The following PIK3R1 variants were observed in gnomAD, a reference collection of about 807,000 sequenced individuals.
The protein encoded by PIK3R1 is phosphatidylinositol 3-kinase regulatory subunit alpha.
In PIK3R1, 29 loss-of-function variants were observed where a neutral mutation model predicts 98.0. The ratio of observed to expected loss-of-function variants is 0.30; its 90% confidence interval spans 0.22 to 0.40. The LOEUF is 0.40. Ranked by LOEUF, PIK3R1 falls within the 10% of genes least tolerant of loss-of-function variation. The pLI, the probability that PIK3R1 is intolerant of heterozygous loss-of-function variation, is 1.00. For synonymous variants in PIK3R1, 282 were observed against 311.8 expected (o/e 0.90, Z 1.01); for missense variants, 596 against 872.7 (o/e 0.68, Z 3.99).
At chr5:68,239,891 A>G in intron 2 of PIK3R1, 2 of 504,742 alleles carry the variant, frequency 4.0e-6, no homozygotes, top group East Asian at 4.5e-5. Flanking sequence ...GTGAGTTACT[A>G]TTCCTTACAG....
intron 2 of PIK3R1, among the ~76,000 whole-genome samples, chr5:68,263,203 C>CTA (rs556245789): frequency 7.9e-6 from 1 of 125,890 alleles, no homozygotes; most frequent in East Asian, 2.2e-4. Flanking sequence ...ACATATATAT[C>CTA]TATATATATA....
At chr5:68,267,065 C>G (rs1399324665) in intron 2 of PIK3R1, among the ~76,000 whole-genome samples, 1 of 152,146 alleles carries the variant, frequency 6.6e-6, no homozygotes, top group African/African-American at 2.4e-5. Flanking sequence ...CCTGTGGACT[C>G]AGGTATAAAT....
At chr5:68,262,949 A>G (rs62652526) in intron 2 of PIK3R1, among the ~76,000 whole-genome samples, 1 of 7,068 alleles carries the variant, frequency 1.4e-4, no homozygotes, top group Non-Finnish European at 2.6e-4. Context: ...ACATGTAGAT[A>G]CATGTAGATA....
chr5:68,272,046 T>C lies in PIK3R1; in HGVS notation c.335-1344T>C, dbSNP rs553467806. On this transcript the variant is annotated intron_variant, in intron 2 of 15. Transcript: ENST00000521381. The stretch of plus-strand genomic sequence containing the variant: ...TGGGTGGATTGCTTGAGTCCATGAG[T>C]TCGAGACCAGCCTGGGCAATATGGC... 3.3e-5 allele frequency among the ~76,000 whole-genome samples: 5 copies of C among 151,958 alleles called. No homozygotes were observed. The East Asian group carries it at 7.7e-4, about 24-fold the overall frequency.
chr5:68,222,051 T>G (rs1744110753), intron 1 of PIK3R1, among the ~76,000 whole-genome samples: 1 of 152,236 alleles, frequency 6.6e-6, no homozygotes, highest in Non-Finnish European at 1.5e-5. Flanking sequence ...CTTGGTTATT[T>G]GAAAATATTA....
intron 2 of PIK3R1, chr5:68,239,810 T>C: frequency 4.0e-6 from 2 of 494,882 alleles, no homozygotes; most frequent in South Asian, 3.2e-5. Context: ...TATGACAAAG[T>C]GAGTTAAACA....
chr5:68,231,554 A>T (rs1441717446), intron 2 of PIK3R1, among the ~76,000 whole-genome samples: 1 of 152,212 alleles, frequency 6.6e-6, no homozygotes, highest in Non-Finnish European at 1.5e-5. Context: ...CCTGTCCAGA[A>T]AGCAGGGCTG....
intron 7 of PIK3R1, among the ~76,000 whole-genome samples, chr5:68,284,829 C>G (rs954776191): frequency 6.6e-6 from 1 of 151,438 alleles, no homozygotes; most frequent in African/African-American, 2.4e-5. Context: ...ATCAACACAT[C>G]TAATACATCC....
At chr5:68,271,648 A>G (rs910472142) in intron 2 of PIK3R1, among the ~76,000 whole-genome samples, 3 of 152,188 alleles carry the variant, frequency 2.0e-5, no homozygotes, top group African/African-American at 7.2e-5. Flanking sequence ...GTGGCTAGTC[A>G]TTGCTTTATC....
chr5:68,217,574 C>A (rs1014758778), intron 1 of PIK3R1: 41 of 151,712 alleles, frequency 2.7e-4, no homozygotes, highest in African/African-American at 8.5e-4. Context: ...GTTGATTAAA[C>A]TTTAGGAAGC....
chr5:68,276,308 G>A lies in PIK3R1; in HGVS notation c.502+2295G>A, dbSNP rs574881199. ...CATCCCTAACCTCTACCCATGAGGT[G>A]CCAGCAGCATTCTCCCCCAGTTGTG... On this transcript the variant is annotated intron_variant, in intron 4 of 15. Transcript: ENST00000521381. 5.1e-4 allele frequency among the ~76,000 whole-genome samples: 77 copies of A among 152,336 alleles called. 2 individuals are homozygous for A. The highest frequency in any genetic ancestry group is 1.8e-3 in the African/African-American group (74 of 41,572).
intron 4 of PIK3R1, among the ~76,000 whole-genome samples, chr5:68,277,559 G>T (rs551797106): frequency 2.0e-5 from 3 of 152,230 alleles, no homozygotes; most frequent in Non-Finnish European, 2.9e-5. Flanking sequence ...AGTGGGGCAA[G>T]TTTGGTTTAT....
In PIK3R1 at chr5:68,300,124, A is replaced by G; in HGVS notation, c.*2523A>G. ...CAGTTTTGTGAATCTTTGTGCTTCA[A>G]CATTCTTTGCAAGATGATACGGTAT... On this transcript the variant is annotated 3_prime_UTR_variant, in exon 16 of 16. Transcript: ENST00000521381. The G allele has an allele frequency of 4.3e-6, 1 of 233,256 alleles. No homozygotes were observed. 14.4% of individuals were successfully genotyped at this position (233,256 alleles called of 1,614,324 possible). A position where few individuals can be genotyped will look rare whatever the true frequency, so the allele number is the denominator to read the frequency against.
At chr5:68,218,622 C>T (rs1012993059) in intron 1 of PIK3R1, among the ~76,000 whole-genome samples, 25 of 152,202 alleles carry the variant, frequency 1.6e-4, no homozygotes, top group African/African-American at 4.6e-4. Context: ...GATTTTTATG[C>T]TCAAGTAGAA....
At chr5:68,290,089 T>C (rs985140546) in intron 7 of PIK3R1, among the ~76,000 whole-genome samples, 3 of 152,238 alleles carry the variant, frequency 2.0e-5, no homozygotes, top group African/African-American at 7.2e-5. Context: ...GAGGAGGACA[T>C]CTATACATTT....
chr5:68,238,713 TATA>T (rs1292811550), intron 2 of PIK3R1, among the ~76,000 whole-genome samples: 2 of 151,698 alleles, frequency 1.3e-5, no homozygotes. Flanking sequence ...GGAGAAGATA[TATA>T]GAGAGAATAT....
chr5:68,289,909 GA>G (rs143890259), intron 7 of PIK3R1, among the ~76,000 whole-genome samples: 2,050 of 152,024 alleles, frequency 0.013, 18 homozygotes, highest in East Asian at 0.036. Flanking sequence ...TTTCTTTTTG[GA>G]AGAAGCATTT....
At chr5:68,258,864 C>A (rs969478760) in intron 2 of PIK3R1, among the ~76,000 whole-genome samples, 1 of 152,170 alleles carries the variant, frequency 6.6e-6, no homozygotes, top group Non-Finnish European at 1.5e-5. Flanking sequence ...CTATCAGTGC[C>A]CCCAGCTCAA....
At position 68,277,343 on chromosome 5, in the gene PIK3R1, G is replaced by A. The variant is rs531900855; in HGVS notation, c.503-2259G>A. Among the ~76,000 whole-genome samples the A allele has an allele frequency of 2.2e-3, 339 of 152,296 alleles. 1 individual carries two copies. The highest frequency in any genetic ancestry group is 5.3e-3 in the Admixed American group (81 of 15,308). On this transcript the variant is annotated intron_variant, in intron 4 of 15. Transcript: ENST00000521381. ...TTTATGCAGAGGATCTACTACAGTG[G>A]TATTGCCCCTCCCACACTTGTTAAA...
Sources: allele counts gnomAD v4.1 joint callset (sites outside exome capture counted in the v4.1 genomes callset), GRCh38; gene constraint gnomAD v4.1.1; transcripts MANE v1.5; gene names NCBI Gene and HGNC (gene_info 2026-07-23, HGNC 2026-07-21).